The following TAFA1 variants were observed in gnomAD, a reference collection of about 807,000 sequenced individuals.
TAFA1 encodes chemokine-like protein TAFA-1.
In TAFA1, 4 loss-of-function variants were observed where a neutral mutation model predicts 18.5. The ratio of observed to expected loss-of-function variants is 0.22; its 90% confidence interval spans 0.11 to 0.49. The LOEUF is 0.49. TAFA1 is among the 20% of genes least tolerant of loss of function. TAFA1 has a pLI of 0.98. For synonymous variants in TAFA1, 56 were observed against 55.2 expected (o/e 1.01, Z -0.06); for missense variants, 147 against 169.0 (o/e 0.87, Z 0.72).
intron 2 of TAFA1, among the ~76,000 whole-genome samples, chr3:68,140,518 C>G (rs1203789214): frequency 2.0e-5 from 3 of 152,182 alleles, no homozygotes; most frequent in Admixed American, 6.6e-5. Context: ...CAACTCTTCT[C>G]CCACTGCAAA....
At chr3:68,520,531 T>A (rs545507980) in intron 3 of TAFA1, among the ~76,000 whole-genome samples, 1 of 152,310 alleles carries the variant, frequency 6.6e-6, no homozygotes, top group East Asian at 1.9e-4. Context: ...TCTTAATAGT[T>A]GAGTAAAATT....
intron 2 of TAFA1, among the ~76,000 whole-genome samples, chr3:68,344,685 G>C (rs1000597267): frequency 2.4e-4 from 36 of 152,090 alleles, no homozygotes; most frequent in African/African-American, 7.5e-4. Flanking sequence ...TAGGGTTTTA[G>C]CTGGGCTTGG....
At chr3:68,508,663 AACTT>A (rs2072800809) in intron 3 of TAFA1, among the ~76,000 whole-genome samples, 1 of 152,136 alleles carries the variant, frequency 6.6e-6, no homozygotes, top group Non-Finnish European at 1.5e-5. Context: ...ATCCTTGAGA[AACTT>A]ACATTCTTAT....
intron 3 of TAFA1, among the ~76,000 whole-genome samples, chr3:68,493,011 TAC>T (rs1229766213): frequency 3.9e-5 from 6 of 152,220 alleles, no homozygotes; most frequent in Admixed American, 3.9e-4. Context: ...CATACCATAG[TAC>T]TTACCATCTT....
intron 2 of TAFA1, among the ~76,000 whole-genome samples, chr3:68,098,211 G>A (rs2065109446): frequency 6.6e-6 from 1 of 151,666 alleles, no homozygotes; most frequent in Non-Finnish European, 1.5e-5. Flanking sequence ...TCAAATGGGG[G>A]AAAAAAAGCA....
At chr3:68,174,956 G>A (rs911713105) in intron 2 of TAFA1, among the ~76,000 whole-genome samples, 13 of 152,174 alleles carry the variant, frequency 8.5e-5, no homozygotes, top group African/African-American at 3.1e-4. Flanking sequence ...GCAGCCTAGG[G>A]ACTTGGTGCC....
chr3:68,190,630 CCATGGGATTCTGCTGCA>C (rs1209745023), intron 2 of TAFA1, among the ~76,000 whole-genome samples: 2 of 151,676 alleles, frequency 1.3e-5, no homozygotes, highest in Non-Finnish European at 1.5e-5. Flanking sequence ...CAGCAGGTGC[CCATGGGATTCTGCTGCA>C]CATTAAATTT....
intron 3 of TAFA1, among the ~76,000 whole-genome samples, chr3:68,510,364 A>G (rs1004337978): frequency 8.5e-5 from 13 of 152,152 alleles, no homozygotes; most frequent in African/African-American, 3.1e-4. Context: ...TCCATTGCTT[A>G]AAGGACAGAA....
At chr3:68,225,885 T>TCA (rs201767557) in intron 2 of TAFA1, among the ~76,000 whole-genome samples, 117 of 148,942 alleles carry the variant, frequency 7.9e-4, no homozygotes, top group East Asian at 2.2e-3. Context: ...GCTGTAAGCA[T>TCA]AAAAAAAAAA....
chr3:68,442,131 T>C (rs2071395404), intron 3 of TAFA1, among the ~76,000 whole-genome samples: 1 of 152,070 alleles, frequency 6.6e-6, no homozygotes. Flanking sequence ...ACCCCACTCC[T>C]TATATCAATT....
intron 3 of TAFA1, among the ~76,000 whole-genome samples, chr3:68,495,436 C>T (rs1405521770): frequency 6.6e-6 from 1 of 152,106 alleles, no homozygotes; most frequent in East Asian, 1.9e-4. Context: ...TACTTAAAAA[C>T]TAGGCATCAA....
At chr3:68,067,333 T>G (rs934230227) in intron 2 of TAFA1, among the ~76,000 whole-genome samples, 9 of 152,180 alleles carry the variant, frequency 5.9e-5, no homozygotes, top group Admixed American at 1.3e-4. Context: ...ATTTTTTCAT[T>G]AAATATATTC....
intron 2 of TAFA1, among the ~76,000 whole-genome samples, chr3:68,170,825 A>G (rs1261855259): frequency 2.0e-5 from 3 of 152,076 alleles, no homozygotes; most frequent in Non-Finnish European, 4.4e-5. Flanking sequence ...AAGCAGAGAC[A>G]TAGAGACTTC....
At chr3:68,145,492 G>T (rs2065727729) in intron 2 of TAFA1, 8 of 931,724 alleles carry the variant, frequency 8.6e-6, no homozygotes, top group South Asian at 3.9e-5. Flanking sequence ...GAATGGTTCT[G>T]CCCAGAAAGC....
chr3:68,508,576 G>A (rs2072799298), intron 3 of TAFA1, among the ~76,000 whole-genome samples: 1 of 152,120 alleles, frequency 6.6e-6, no homozygotes, highest in African/African-American at 2.4e-5. Flanking sequence ...GTTCAACAAA[G>A]ATTTTTGGCT....
At chr3:68,077,152 GTTGT>G (rs1430915242) in intron 2 of TAFA1, among the ~76,000 whole-genome samples, 3 of 148,840 alleles carry the variant, frequency 2.0e-5, no homozygotes, top group African/African-American at 5.0e-5. Context: ...TTTTGATGGG[GTTGT>G]TTGTTTTTTT....
chr3:68,281,589 C>G (rs576969458), intron 2 of TAFA1, among the ~76,000 whole-genome samples: 14 of 151,668 alleles, frequency 9.2e-5, no homozygotes, highest in African/African-American at 3.1e-4. Context: ...CCTGCTTCAG[C>G]CTCCTGAGTA....
At chr3:68,103,677 C>T (rs753816026) in intron 2 of TAFA1, among the ~76,000 whole-genome samples, 16 of 152,052 alleles carry the variant, frequency 1.1e-4, no homozygotes, top group Non-Finnish European at 1.8e-4. Context: ...TCATCACCAC[C>T]GCTACTACCA....
intron 2 of TAFA1, among the ~76,000 whole-genome samples, chr3:68,294,869 C>T (rs958154333): frequency 2.0e-5 from 3 of 152,048 alleles, no homozygotes; most frequent in African/African-American, 4.8e-5. Context: ...AGAGAGAGAT[C>T]GTGTCTCAAT....
Sources: allele counts gnomAD v4.1 joint callset (sites outside exome capture counted in the v4.1 genomes callset), GRCh38; gene constraint gnomAD v4.1.1; transcripts MANE v1.5; gene names NCBI Gene and HGNC (gene_info 2026-07-23, HGNC 2026-07-21).